Variants in NEXMIF observed in about 807,000 individuals in gnomAD.
The protein encoded by NEXMIF is neurite extension and migration factor.
In NEXMIF, 8 loss-of-function variants were observed where a neutral mutation model predicts 62.1. That is an observed-to-expected ratio of 0.13 (90% CI 0.08 to 0.23). The LOEUF is 0.23. Among genes scored for constraint, NEXMIF ranks in the 10% least tolerant of loss-of-function variants. NEXMIF has a pLI of 1.00. For synonymous variants in NEXMIF, 404 were observed against 416.6 expected (o/e 0.97, Z 0.37); for missense variants, 976 against 1,113.3 (o/e 0.88, Z 1.75).
chrX:74,751,848 T>C (rs1470585199), intron 1 of NEXMIF, among the ~76,000 whole-genome samples: 15 of 96,160 alleles, frequency 1.6e-4, no homozygotes, highest in African/African-American at 5.6e-4. Context: ...CCTTCCCTCC[T>C]TCCTTCCTTC....
intron 1 of NEXMIF, among the ~76,000 whole-genome samples, chrX:74,874,166 T>C (rs1345582055): frequency 9.1e-6 from 1 of 109,474 alleles, no homozygotes; most frequent in Admixed American, 1.0e-4. Flanking sequence ...AATTGATTTT[T>C]GTATAAGGTG....
At chrX:74,878,520 G>A (rs2080648355) in intron 1 of NEXMIF, among the ~76,000 whole-genome samples, 2 of 112,825 alleles carry the variant, frequency 1.8e-5, no homozygotes, top group African/African-American at 6.4e-5. Context: ...TCTCCACCCA[G>A]TTCAAGCTTC....
Position 74,791,943 on chromosome X carries a change from T to G in NEXMIF, c.-47-46246A>C, listed in dbSNP as rs191728925. ...AAACCAGCTCCTGGATTCACTGATTTTTTTGAAGGGTTGTTTGTGTCTCTA... is the reference window on the plus strand; with the variant it reads ...AAACCAGCTCCTGGATTCACTGATTGTTTTGAAGGGTTGTTTGTGTCTCTA... On this transcript the variant is annotated intron_variant, in intron 1 of 3. Coordinates refer to ENST00000055682, the MANE Select transcript of NEXMIF (RefSeq NM_001008537.3). Among the ~76,000 whole-genome samples the G allele has an allele frequency of 9.7e-3, 1,082 of 111,649 alleles. 6 individuals are homozygous for G. Among genetic ancestry groups the G allele is most frequent in the Non-Finnish European group, 0.015 (786 of 53,169 alleles).
chrX:74,742,978 T>G lies in NEXMIF; in HGVS notation c.1579A>C (p.Lys527Gln). 1.7e-6 allele frequency: 2 copies of G among 1,211,433 alleles called. No individual in the cohort carries two copies. The highest frequency in any genetic ancestry group is 2.2e-6 in the Non-Finnish European group (2 of 895,367). The change falls in exon 3 of 4, where the codon AAG becomes CAG. Residue 527 changes from lysine to glutamine, a missense_variant. By Grantham distance (53) the Lys-to-Gln change is moderately conservative. This residue lies in a region of NEXMIF where 639 missense variants were observed against 694.5 expected (regional missense o/e 0.92). Coordinates refer to ENST00000055682, the MANE Select transcript of NEXMIF (RefSeq NM_001008537.3). ...TCCTTACGGGTTACTTTTCTTCTCTTTTTGGGACACCATTCATCATCATCT... is the reference window on the plus strand; with the variant it reads ...TCCTTACGGGTTACTTTTCTTCTCTGTTTGGGACACCATTCATCATCATCT... ...EEDDDEWCPK[K>Q]RRKVTRKEPP...
In NEXMIF at chrX:74,843,628, A is replaced by G. The variant is rs1253526557; in HGVS notation, c.-48+81255T>C. On this transcript the variant is annotated intron_variant, in intron 1 of 3. Coordinates refer to ENST00000055682, the MANE Select transcript of NEXMIF (RefSeq NM_001008537.3). ...ACAGGGTTTCACCATGTTAGGGAGG[A>G]TGGTGTTGATCTCCTGACCTCGTGA... Among the ~76,000 whole-genome samples the G allele has an allele frequency of 7.2e-5, 8 of 110,647 alleles. No individual in the cohort carries two copies. In the East Asian group the frequency reaches 2.0e-3, roughly 27 times the overall value.
chrX:74,851,763 A>G (rs1045865914), intron 1 of NEXMIF, among the ~76,000 whole-genome samples: 2 of 111,886 alleles, frequency 1.8e-5, no homozygotes, highest in African/African-American at 6.5e-5. Context: ...AAAGGACACT[A>G]TCTACTATCA....
At chrX:74,824,669 GAC>G (rs1281236031) in intron 1 of NEXMIF, among the ~76,000 whole-genome samples, 3 of 103,459 alleles carry the variant, frequency 2.9e-5, no homozygotes, top group African/African-American at 1.1e-4. Flanking sequence ...TTTTTTTTGA[GAC>G]AGAGTCTCAC....
rs1478156783 is a variant in NEXMIF, at chrX:74,738,929, T to G, written c.*476A>C. The G allele has an allele frequency of 9.1e-6, 1 of 110,416 alleles. No individual in the cohort carries two copies. Among genetic ancestry groups the G allele is most frequent in the Non-Finnish European group, 1.9e-5 (1 of 53,151 alleles). The allele number at this position is 110,416 out of a possible 1,213,427, so 9.1% of individuals were successfully genotyped here. A position where few individuals can be genotyped will look rare whatever the true frequency, so the allele number is the denominator to read the frequency against. ...GTGTATATATCCATTTAAAAATAAT[T>G]AATGAGCTTTAAACTGTGGGTGAAT... On this transcript the variant is annotated 3_prime_UTR_variant, in exon 4 of 4. Coordinates refer to ENST00000055682, the MANE Select transcript of NEXMIF (RefSeq NM_001008537.3).
chrX:74,795,502 A>T (rs189021342), intron 1 of NEXMIF, among the ~76,000 whole-genome samples: 8 of 111,838 alleles, frequency 7.2e-5, no homozygotes, highest in Middle Eastern at 4.6e-3. Flanking sequence ...TAGGGATGGG[A>T]TACTTATCAG....
chrX:74,859,266 G>T (rs1206115307), intron 1 of NEXMIF, among the ~76,000 whole-genome samples: 1 of 111,809 alleles, frequency 8.9e-6, no homozygotes, highest in Admixed American at 9.5e-5. Context: ...AGCAGCAAGA[G>T]AAAAGAAACA....
chrX:74,806,402 C>T (rs1459233124), intron 1 of NEXMIF, among the ~76,000 whole-genome samples: 1 of 110,553 alleles, frequency 9.0e-6, no homozygotes, highest in African/African-American at 3.3e-5. Flanking sequence ...GCACATGTAC[C>T]CTATGAATCT....
chrX:74,850,495 C>T (rs763873479), intron 1 of NEXMIF, among the ~76,000 whole-genome samples: 74 of 112,041 alleles, frequency 6.6e-4, no homozygotes, highest in Non-Finnish European at 1.1e-3. Context: ...CCTACCATTA[C>T]CACAGTGGGC....
intron 1 of NEXMIF, among the ~76,000 whole-genome samples, chrX:74,827,457 GACTGAGA>G (rs1388071505): frequency 9.0e-6 from 1 of 111,718 alleles, no homozygotes; most frequent in Non-Finnish European, 1.9e-5. Flanking sequence ...AGTATTCTTG[GACTGAGA>G]ACTCAGAAGC....
chrX:74,861,460 A>G (rs1333241955), intron 1 of NEXMIF, among the ~76,000 whole-genome samples: 8 of 111,999 alleles, frequency 7.1e-5, no homozygotes. Context: ...CAACCTAACA[A>G]GACAGGCAAA....
chrX:74,824,424 T>G (rs1398852169), intron 1 of NEXMIF, among the ~76,000 whole-genome samples: 1 of 111,974 alleles, frequency 8.9e-6, no homozygotes, highest in Non-Finnish European at 1.9e-5. Flanking sequence ...TTCATCTATG[T>G]TACTGTAAAT....
intron 1 of NEXMIF, among the ~76,000 whole-genome samples, chrX:74,753,714 C>T (rs1044279262): frequency 2.0e-4 from 19 of 94,620 alleles, no homozygotes; most frequent in Non-Finnish European, 2.6e-4. Context: ...CACACACACA[C>T]GCACACACAC....
rs904526994 is a variant in NEXMIF, at chrX:74,827,165, G to C, written c.-47-81468C>G. 9.8e-5 allele frequency among the ~76,000 whole-genome samples: 11 copies of C among 112,738 alleles called. No homozygotes were observed. The Admixed American group carries it at 1.0e-3, about 11-fold the overall frequency. On this transcript the variant is annotated intron_variant, in intron 1 of 3. Coordinates refer to ENST00000055682, the MANE Select transcript of NEXMIF (RefSeq NM_001008537.3). ...GACAACCTAAATGACCCCCAAGCCT[G>C]TCAGCACTAAAGCTGAAGTAAATAC...
intron 1 of NEXMIF, among the ~76,000 whole-genome samples, chrX:74,877,530 G>T (rs1330110573): frequency 9.0e-6 from 1 of 111,073 alleles, no homozygotes; most frequent in Non-Finnish European, 1.9e-5. Context: ...GAATCTGAAC[G>T]TTGGCCTGCC....
intron 1 of NEXMIF, among the ~76,000 whole-genome samples, chrX:74,872,848 A>C (rs964941578): frequency 9.1e-6 from 1 of 110,352 alleles, no homozygotes; most frequent in African/African-American, 3.3e-5. Flanking sequence ...TTTTTTAAAA[A>C]TATTATAATG....
Sources: allele counts gnomAD v4.1 joint callset (sites outside exome capture counted in the v4.1 genomes callset), GRCh38; gene constraint gnomAD v4.1.1; regional missense constraint gnomAD v4.1.1; transcripts MANE v1.5; gene names NCBI Gene and HGNC (gene_info 2026-07-23, HGNC 2026-07-21).